Variants in RIMS2 observed in about 807,000 individuals in gnomAD.
RIMS2 encodes regulating synaptic membrane exocytosis protein 2.
Under a neutral mutation model 174.4 loss-of-function variants are expected in RIMS2, and 59 were observed. The ratio of observed to expected loss-of-function variants is 0.34; its 90% CI spans 0.27 to 0.42. The LOEUF (loss-of-function observed/expected upper bound fraction) is 0.42, where lower values mean the gene tolerates loss of function less well. Among genes scored for constraint, RIMS2 ranks in the 10% least tolerant of loss-of-function variants. The pLI, the probability that RIMS2 is intolerant of heterozygous loss-of-function variation, is 1.00. For synonymous variants in RIMS2, 606 were observed against 572.5 expected (o/e 1.06, Z -0.84); for missense variants, 1,620 against 1,666.3 (o/e 0.97, Z 0.48).
At chr8:103,769,587 A>G (rs1254878814) in intron 3 of RIMS2, among the ~76,000 whole-genome samples, 1 of 152,126 alleles carries the variant, frequency 6.6e-6, no homozygotes, top group Non-Finnish European at 1.5e-5. Context: ...CGGCCTCCCA[A>G]AGTGTTGGGA....
chr8:103,961,919 T>A (rs1595898023), intron 15 of RIMS2, among the ~76,000 whole-genome samples: 1 of 152,282 alleles, frequency 6.6e-6, no homozygotes, highest in African/African-American at 2.4e-5. Flanking sequence ...ATGATTATTT[T>A]TTCCCTTTCT....
intron 1 of RIMS2, among the ~76,000 whole-genome samples, chr8:103,517,710 G>A (rs545595809): frequency 3.3e-5 from 5 of 152,190 alleles, no homozygotes; most frequent in African/African-American, 9.6e-5. Flanking sequence ...CCTGTTGTTG[G>A]TGGAGGCAAT....
intron 1 of RIMS2, among the ~76,000 whole-genome samples, chr8:103,588,973 A>G (rs1407657474): frequency 6.6e-6 from 1 of 151,720 alleles, no homozygotes; most frequent in Non-Finnish European, 1.5e-5. Context: ...TAAAGAGACA[A>G]CCCATGGAAT....
chr8:103,607,476 T>TG (rs1167449099), intron 1 of RIMS2, among the ~76,000 whole-genome samples: 1 of 151,484 alleles, frequency 6.6e-6, no homozygotes, highest in East Asian at 1.9e-4. Context: ...GACAATTGTG[T>TG]TCTTGGAGTT....
At chr8:104,195,753 T>A (rs1368312969) in intron 19 of RIMS2, among the ~76,000 whole-genome samples, 1 of 152,112 alleles carries the variant, frequency 6.6e-6, no homozygotes, top group Non-Finnish European at 1.5e-5. Flanking sequence ...GCTCAGGCAG[T>A]CTGCCCACCT....
At chr8:103,587,691 G>A (rs1021382885) in intron 1 of RIMS2, among the ~76,000 whole-genome samples, 1 of 152,026 alleles carries the variant, frequency 6.6e-6, no homozygotes, top group Non-Finnish European at 1.5e-5. Flanking sequence ...TGCTGAAAAA[G>A]CATTTGATAA....
At chr8:104,033,386 G>A (rs1394657890) in intron 19 of RIMS2, among the ~76,000 whole-genome samples, 1 of 151,888 alleles carries the variant, frequency 6.6e-6, no homozygotes, top group Non-Finnish European at 1.5e-5. Context: ...TTGATCATAA[G>A]CTATTATTTA....
intron 6 of RIMS2, among the ~76,000 whole-genome samples, chr8:103,913,257 C>T (rs1033881441): frequency 2.6e-5 from 4 of 151,540 alleles, no homozygotes; most frequent in African/African-American, 7.3e-5. Context: ...GGATTACAGG[C>T]GTGAGCCACT....
chr8:104,053,029 G>A (rs886770052), intron 19 of RIMS2, among the ~76,000 whole-genome samples: 5 of 152,202 alleles, frequency 3.3e-5, no homozygotes, highest in Non-Finnish European at 7.3e-5. Context: ...AAATGCTGAA[G>A]TAAGGTCCAA....
intron 19 of RIMS2, among the ~76,000 whole-genome samples, chr8:104,204,970 C>G (rs943836779): frequency 1.3e-5 from 2 of 152,108 alleles, no homozygotes; most frequent in African/African-American, 4.8e-5. Flanking sequence ...ACTTTAGGAG[C>G]AGAAGTCTTA....
intron 2 of RIMS2, among the ~76,000 whole-genome samples, chr8:103,750,624 A>G (rs549821295): frequency 3.9e-4 from 59 of 152,240 alleles, no homozygotes; most frequent in African/African-American, 1.3e-3. Context: ...TCATTGGATC[A>G]TGGAAGCGGT....
intron 2 of RIMS2, among the ~76,000 whole-genome samples, chr8:103,752,177 A>C (rs1184580843): frequency 6.6e-6 from 1 of 152,174 alleles, no homozygotes. Flanking sequence ...ATGGCTAGCC[A>C]GTTTTCCCAG....
intron 1 of RIMS2, among the ~76,000 whole-genome samples, chr8:103,509,497 T>C: frequency 6.6e-6 from 1 of 152,104 alleles, no homozygotes. Flanking sequence ...TTTGGAAATA[T>C]GAGTGTATTT....
At chr8:104,073,160 C>T (rs1490752998) in intron 19 of RIMS2, among the ~76,000 whole-genome samples, 3 of 151,932 alleles carry the variant, frequency 2.0e-5, no homozygotes, top group Non-Finnish European at 2.9e-5. Context: ...GGTCAACTAC[C>T]CTTCTGTGAG....
chr8:104,171,308 A>T (rs575964294), intron 19 of RIMS2, among the ~76,000 whole-genome samples: 1 of 150,318 alleles, frequency 6.7e-6, no homozygotes, highest in Non-Finnish European at 1.5e-5. Flanking sequence ...ACATAATCCC[A>T]TTTTTTTTTG....
At chr8:104,126,067 C>T (rs563386610) in intron 19 of RIMS2, among the ~76,000 whole-genome samples, 1 of 152,176 alleles carries the variant, frequency 6.6e-6, no homozygotes, top group African/African-American at 2.4e-5. Flanking sequence ...AGAAGGTGGA[C>T]TAGATCAGTG....
At chr8:103,618,562 T>C (rs1564038115) in intron 1 of RIMS2, among the ~76,000 whole-genome samples, 2 of 152,168 alleles carry the variant, frequency 1.3e-5, no homozygotes, top group Admixed American at 1.3e-4. Flanking sequence ...AAGGGAATTA[T>C]TGTGTGAGAC....
intron 1 of RIMS2, among the ~76,000 whole-genome samples, chr8:103,643,356 A>G (rs989027980): frequency 1.5e-4 from 23 of 152,100 alleles, no homozygotes; most frequent in African/African-American, 5.5e-4. Flanking sequence ...TATTAACCAC[A>G]GCTATTTTTC....
rs369627681 is a variant in RIMS2, at chr8:103,959,209, CA to C, written c.2702-1855del. Among the ~76,000 whole-genome samples the C allele has an allele frequency of 8.2e-3, 809 of 98,610 alleles. 9 individuals are homozygous for C. Among genetic ancestry groups the C allele is most frequent in the African/African-American group, 0.03 (754 of 25,036 alleles). The allele number at this position is 98,610 out of a possible 152,430, so 64.7% of individuals were successfully genotyped here. On this transcript the variant is annotated intron_variant, in intron 14 of 23. Coordinates refer to ENST00000504942, the Ensembl canonical transcript of RIMS2. ...GTTTTATCACACCTGTATTAAAAAC[CA>C]GAAGGAAGTGAAAGAGAAATTGCAA... is the stretch of plus-strand genomic sequence containing the variant.
Sources: allele counts gnomAD v4.1 joint callset (sites outside exome capture counted in the v4.1 genomes callset), GRCh38; gene constraint gnomAD v4.1.1; transcripts MANE v1.5; gene names NCBI Gene and HGNC (gene_info 2026-07-23, HGNC 2026-07-21).